ADAMTS7: variants seen among roughly 807,000 people sequenced by gnomAD.
ADAMTS7 encodes the protein A disintegrin and metalloproteinase with thrombospondin motifs 7.
ADAMTS7 carries 89 observed loss-of-function variants against 172.6 expected under a neutral mutation model. The observed-to-expected ratio is 0.52, with a 90% CI of 0.43 to 0.61. The LOEUF (loss-of-function observed/expected upper bound fraction) is 0.61, where lower values mean the gene tolerates loss of function less well. Ranked by LOEUF, ADAMTS7 falls within the 20% of genes least tolerant of loss-of-function variation. The pLI is 0.00. For missense variants in ADAMTS7, 1,973 were observed against 2,355.6 expected (o/e 0.84, Z 3.36); for synonymous variants, 885 against 978.4 (o/e 0.90, Z 1.78).
chr15:78,773,408 G>A (rs148721219), intron 13 of ADAMTS7, among the ~76,000 whole-genome samples: 690 of 146,966 alleles, frequency 4.7e-3, no homozygotes, highest in African/African-American at 8.9e-3. Context: ...ATGTGAGACG[G>A]GGAGACCCAC....
At chr15:78,790,901 G>T in intron 5 of ADAMTS7, 107 bp from the exon 6 acceptor site, 2 of 1,532,002 alleles carry the variant, frequency 1.3e-6, no homozygotes, top group Non-Finnish European at 1.8e-6. Flanking sequence ...CAGGGAAGTG[G>T]GAGGCCCGCA....
At chr15:78,763,164 C>A (rs2055077531) in intron 22 of ADAMTS7, among the ~76,000 whole-genome samples, 1 of 152,194 alleles carries the variant, frequency 6.6e-6, no homozygotes, top group African/African-American at 2.4e-5. Flanking sequence ...AAACAGTGAC[C>A]CAGCAACGCA....
Position 78,768,268 on chromosome 15 carries a change from C to T in ADAMTS7, c.2519-9G>A, listed in dbSNP as rs774177481. ...ATTCTGCCTCTGCACACCTAGGGGC[C>T]ACGGGGCTCAGCCTGGGACTGGCAC... On this transcript the variant is annotated splice_polypyrimidine_tract_variant and intron_variant, in intron 16 of 23. Coordinates refer to ENST00000388820, the MANE Select transcript of ADAMTS7 (RefSeq NM_014272.5). 1.1e-5 allele frequency: 18 copies of T among 1,610,370 alleles called. No homozygotes were observed. The highest frequency in any genetic ancestry group is 3.3e-5 in the Admixed American group (2 of 59,938).
At chr15:78,773,337 C>T (rs77118493) in intron 13 of ADAMTS7, 134 bp from the exon 14 acceptor site, 81,691 of 543,922 alleles carry the variant, frequency 0.15, 6,568 homozygotes, top group South Asian at 0.16. Flanking sequence ...CCCTGCCCCA[C>T]CTCAGCTGTG....
At position 78,774,616 on chromosome 15, in the gene ADAMTS7, G is replaced by A. The variant is rs375206578; in HGVS notation, c.1876+8C>T. On this transcript the variant is annotated splice_region_variant and intron_variant, in intron 12 of 23. Coordinates refer to ENST00000388820, the MANE Select transcript of ADAMTS7 (RefSeq NM_014272.5). ...AGCCTCAATGTCTCCATGGGGGGCAGCACTCACCGTCATTGACCACGGGCA... is the reference window on the plus strand; with the variant it reads ...AGCCTCAATGTCTCCATGGGGGGCAACACTCACCGTCATTGACCACGGGCA... 5.9e-5 allele frequency: 95 copies of A among 1,611,636 alleles called. No individual in the cohort carries two copies. The African/African-American group carries it at 1.2e-3, about 20-fold the overall frequency.
At chr15:78,784,053 T>C (rs886112587) in intron 8 of ADAMTS7, among the ~76,000 whole-genome samples, 1 of 152,024 alleles carries the variant, frequency 6.6e-6, no homozygotes, top group Non-Finnish European at 1.5e-5. Context: ...AAAGTATAGA[T>C]AAATCAGATG....
rs1437176586 is a variant in ADAMTS7, at chr15:78,800,328, A to C, written c.320T>G (p.Val107Gly). The change falls in exon 2 of 24, where the codon GTG becomes GGG. Residue 107 changes from valine (V) to glycine (G), a missense_variant. Around this residue, in one of 8 missense-constraint regions of ADAMTS7, gnomAD observed 306 missense variants for 288.0 expected, o/e 1.06. Coordinates refer to ENST00000388820, the MANE Select transcript of ADAMTS7 (RefSeq NM_014272.5). ...GCCGCCGCGCCGCCGCGTCTCGCTCACAAAGCCGGGCGCCAGCAGGTGCTG... is the reference window on the plus strand; with the variant it reads ...GCCGCCGCGCCGCCGCGTCTCGCTCCCAAAGCCGGGCGCCAGCAGGTGCTG... ...ANQHLLAPGF[V>G]SETRRRGGLG... is the part of the protein sequence containing the mutation. The C allele has an allele frequency of 1.3e-6, 2 of 1,599,976 alleles. No homozygotes were observed. Among genetic ancestry groups the C allele is most frequent in the South Asian group, 2.2e-5 (2 of 90,204 alleles).
intron 16 of ADAMTS7, among the ~76,000 whole-genome samples, chr15:78,770,415 CA>C (rs2055227504): frequency 7.3e-6 from 1 of 137,002 alleles, no homozygotes; most frequent in South Asian, 2.5e-4. Flanking sequence ...AACTAAGAGA[CA>C]AAGGGGGAAA....
Position 78,806,140 on chromosome 15 carries a change from A to C in ADAMTS7, c.100+4981T>G, listed in dbSNP as rs1396650103. Among the ~76,000 whole-genome samples, 1,145 of 133,944 alleles carry C rather than the reference A, an allele frequency of 8.5e-3. 4 individuals are homozygous for C. The highest frequency in any genetic ancestry group is 0.03 in the East Asian group (127 of 4,186). 87.9% of individuals were successfully genotyped at this position (133,944 alleles called of 152,430 possible). A position where few individuals can be genotyped will look rare whatever the true frequency, so the allele number is the denominator to read the frequency against. On this transcript the variant is annotated intron_variant, in intron 1 of 23. Transcript: ENST00000388820. ...CACACACACACACAAAAAAAAAAAA[A>C]AAAAAAAAAAAAAAACAGAAAAATG...
chr15:78,789,812 C>T lies in ADAMTS7; in HGVS notation c.1055G>A (p.Arg352Gln), dbSNP rs148532809. The T allele has an allele frequency of 9.2e-4, 1,477 of 1,601,824 alleles. 5 individuals carry two copies. The highest frequency in any genetic ancestry group is 1.5e-3 in the Middle Eastern group (9 of 5,900). ...GGACAGTCCCAGGGTCTCACAGGGC[C>T]GGTTCATGGCTGCACACAGGTCCTT... Reference protein sequence around the residue: ...TRKDLCAAMNRPCETLGLSHV... With the variant: ...TRKDLCAAMNQPCETLGLSHV... Residue 352 changes from arginine (R) to glutamine (Q), a missense_variant, in exon 7 of 24, where the codon CGG becomes CAG. Around this residue, in one of 8 missense-constraint regions of ADAMTS7, gnomAD observed 526 missense variants for 662.9 expected, o/e 0.79. Transcript: ENST00000388820.
chr15:78,772,373 A>C (rs190810131), intron 14 of ADAMTS7, among the ~76,000 whole-genome samples: 4 of 152,234 alleles, frequency 2.6e-5, no homozygotes, highest in African/African-American at 9.6e-5. Flanking sequence ...AGCAGCCTCC[A>C]TGGCCAGTGC....
At position 78,764,716 on chromosome 15, in the gene ADAMTS7, C is replaced by T; in HGVS notation, c.4267-9G>A. On this transcript the variant is annotated splice_polypyrimidine_tract_variant and intron_variant, in intron 19 of 23. Transcript: ENST00000388820. ...CCACAGGTGGTAGAGCACTGCGGGG[C>T]AGAGACCCGTGAAAGCCAGGCAGAT... 6.7e-7 allele frequency: 1 copy of T among 1,494,522 alleles called. No homozygotes were observed. The highest frequency in any genetic ancestry group is 1.3e-5 in the South Asian group (1 of 75,996). 92.6% of individuals were successfully genotyped at this position (1,494,522 alleles called of 1,614,324 possible). A position where few individuals can be genotyped will look rare whatever the true frequency, so the allele number is the denominator to read the frequency against.
intron 19 of ADAMTS7, chr15:78,765,139 A>C: frequency 5.0e-6 from 1 of 200,868 alleles, no homozygotes; most frequent in Non-Finnish European, 1.0e-5. Context: ...CCCGCCCCAA[A>C]ATTAGGGATC....
chr15:78,810,036 C>T (rs1286074413), intron 1 of ADAMTS7, among the ~76,000 whole-genome samples: 1 of 152,240 alleles, frequency 6.6e-6, no homozygotes, highest in South Asian at 2.1e-4. Context: ...CCTCTAAGAT[C>T]AAGAGTCAAT....
chr15:78,792,386 A>G (rs534641707), intron 4 of ADAMTS7, among the ~76,000 whole-genome samples: 39 of 152,302 alleles, frequency 2.6e-4, no homozygotes, highest in African/African-American at 9.4e-4. Flanking sequence ...GAGGTCTCCT[A>G]CGAGTGTCCC....
Position 78,759,452 on chromosome 15 carries a change from G to T in ADAMTS7, c.5030C>A (p.Ser1677Tyr), listed in dbSNP as rs560345786. Reference sequence around the variant, plus strand: ...GCGGGCAACCCGCTGATGGCCTCGGGAGGGGGCGCCGTGGCTGGGCGGAGA... The same window carrying T: ...GCGGGCAACCCGCTGATGGCCTCGGTAGGGGGCGCCGTGGCTGGGCGGAGA... ...SCSPPSHGAPSRGHQRVARR is the reference protein window; with the variant it reads ...SCSPPSHGAPYRGHQRVARR The change falls in exon 24 of 24, where the codon TCC becomes TAC. Residue 1677 changes from serine (S) to tyrosine (Y), a missense_variant. Physicochemically the swap from Ser to Tyr is moderately radical, Grantham distance 144 (BLOSUM62 -2). This residue lies in a region of ADAMTS7 where 94 missense variants were observed against 95.4 expected (regional missense o/e 0.99). Coordinates refer to ENST00000388820, the MANE Select transcript of ADAMTS7 (RefSeq NM_014272.5). 2.0e-4 allele frequency: 317 copies of T among 1,596,422 alleles called. 1 individual carries two copies. In the East Asian group the frequency reaches 6.3e-3, roughly 32 times the overall value.
chr15:78,798,606 C>T (rs1057445065), intron 2 of ADAMTS7, among the ~76,000 whole-genome samples: 1 of 152,212 alleles, frequency 6.6e-6, no homozygotes, highest in Non-Finnish European at 1.5e-5. Context: ...AAAGCATCCA[C>T]AGCCACACCC....
At chr15:78,790,412 C>T (rs868386733) in intron 6 of ADAMTS7, among the ~76,000 whole-genome samples, 39 of 152,304 alleles carry the variant, frequency 2.6e-4, no homozygotes, top group South Asian at 1.7e-3. Flanking sequence ...CAAGATGTTA[C>T]CACTGGGGGA....
chr15:78,763,595 G>C (rs2055085276), intron 22 of ADAMTS7, 104 bp downstream of exon 22: 1 of 1,388,076 alleles, frequency 7.2e-7, no homozygotes, highest in African/African-American at 1.5e-5. Context: ...GGGCCACAAA[G>C]AGCCTGGCTC....
Sources: gnomAD v4.1 joint callset for allele counts (sites outside exome capture counted in the v4.1 genomes callset) on GRCh38, gnomAD v4.1.1 for gene constraint, gnomAD v4.1.1 regional missense constraint, MANE v1.5 for transcripts, NCBI Gene and HGNC (gene_info 2026-07-23, HGNC 2026-07-21) for gene names.